Variants in UCP2 observed in about 807,000 individuals in gnomAD.
UCP2 encodes the protein dicarboxylate carrier SLC25A8.
Under a neutral mutation model 31.3 loss-of-function variants are expected in UCP2, and 27 were observed. The observed-to-expected ratio is 0.86, with a 90% confidence interval of 0.64 to 1.19. The LOEUF (loss-of-function observed/expected upper bound fraction) is 1.19, where lower values mean the gene tolerates loss of function less well. Ranked by LOEUF, UCP2 falls within the 50% of genes most tolerant of loss-of-function variation. The pLI, the probability that UCP2 is intolerant of heterozygous loss-of-function variation, is 0.00. For missense variants in UCP2, 377 were observed against 413.5 expected, an observed-to-expected ratio of 0.91 and a Z score of 0.76; for synonymous variants, 142 against 157.4, an observed-to-expected ratio of 0.90 and a Z score of 0.73.
chr11:73,975,612 C>T lies in UCP2; in HGVS notation c.694G>A (p.Ala232Thr), dbSNP rs200027152. 7.2e-5 allele frequency: 116 copies of T among 1,614,066 alleles called. No homozygotes were observed. In the East Asian group the frequency reaches 1.7e-3, roughly 24 times the overall value. Residue 232 changes from alanine (A) to threonine (T), a missense_variant, in exon 7 of 8, where the codon GCC becomes ACC. Transcript: ENST00000663595. ...FGAGFCTTVI[A>T]SPVDVVKTRY... ...GTCTTGACCACGTCTACAGGGGAGG[C>T]GATGACAGTGGTGCAGAAGCCTGCC... is the stretch of plus-strand genomic sequence containing the variant.
chr11:73,977,809 A>G lies in UCP2; in HGVS notation c.337+77T>C. On this transcript the variant is annotated intron_variant, in intron 4 of 7. Transcript: ENST00000663595. ...TAGGGATCGTGGGGCCTAAAAAACT[A>G]TATGGCTGAATGAACTAAGATCAAT... 1.9e-6 allele frequency: 3 copies of G among 1,594,988 alleles called. No homozygotes were observed. In the South Asian group the frequency reaches 3.3e-5, roughly 18 times the overall value.
chr11:73,978,229 G>T, intron 3 of UCP2, 24 bp downstream of exon 3: 1 of 1,614,128 alleles, frequency 6.2e-7, no homozygotes, highest in South Asian at 1.1e-5. Context: ...ACACCATCAA[G>T]ACTCCCAGGC....
intron 2 of UCP2, 198 bp from the exon 3 acceptor site, chr11:73,978,675 C>T (rs1591221190): frequency 2.4e-6 from 1 of 412,704 alleles, no homozygotes; most frequent in South Asian, 2.1e-5. Flanking sequence ...GCAGTCAATA[C>T]TTCATGAAGG....
At chr11:73,978,217 A>G in intron 3 of UCP2, 36 bp downstream of exon 3, 1 of 1,614,126 alleles carries the variant, frequency 6.2e-7, no homozygotes, top group Non-Finnish European at 8.5e-7. Flanking sequence ...GGAACAGAGT[A>G]GACACCATCA....
chr11:73,978,647 G>T, intron 2 of UCP2, 170 bp from the exon 3 acceptor site: 1 of 465,602 alleles, frequency 2.1e-6, no homozygotes, highest in South Asian at 2.0e-5. Context: ...AGGTGCTGGT[G>T]AAGCAATTCC....
chr11:73,975,150 GGC>G (rs1565182919), intron 7 of UCP2, 29 bp from the exon 8 acceptor site: 10 of 1,577,450 alleles, frequency 6.3e-6, no homozygotes, highest in Non-Finnish European at 8.6e-6. Context: ...AGGTCATGGG[GGC>G]ACCTCCACCT....
At chr11:73,982,679 G>C (rs940183706) in intron 1 of UCP2, 42 bp downstream of exon 1, 1 of 152,612 alleles carries the variant, frequency 6.6e-6, no homozygotes, top group African/African-American at 2.4e-5. Flanking sequence ...CGCAGAACAA[G>C]CGTGGGGGGC....
rs565401362 is a variant in UCP2 at position 73,978,453 on chromosome 11, C to A, written c.-75G>T. 16 of 1,598,022 alleles carry A rather than the reference C, an allele frequency of 1.0e-5. No homozygotes were observed. The African/African-American group carries it at 1.5e-4, about 15-fold the overall frequency. ...GGGGCACCTTTAATCAGCAACAAGACGAGATAGAGGAACTCTGCCGGAATC... is the reference window on the plus strand; with the variant it reads ...GGGGCACCTTTAATCAGCAACAAGAAGAGATAGAGGAACTCTGCCGGAATC... On this transcript the variant is annotated 5_prime_UTR_variant, in exon 3 of 8. Coordinates refer to ENST00000663595, the MANE Select transcript of UCP2 (RefSeq NM_003355.3).
chr11:73,980,383 A>G (rs1183542122), intron 2 of UCP2, among the ~76,000 whole-genome samples: 5 of 152,076 alleles, frequency 3.3e-5, no homozygotes, highest in African/African-American at 1.2e-4. Context: ...GAAGATACTC[A>G]CCATAGCAAC....
In UCP2 at chr11:73,974,970, CAA is replaced by C; in HGVS notation, c.*35_*36del. Reference sequence around the variant, plus strand: ...AAGGAAAGCATGGCCCGGCTAGAGACAAAGCCAGAGGTGATCAGGTCAGCAGC... The same window carrying C: ...AAGGAAAGCATGGCCCGGCTAGAGACAGCCAGAGGTGATCAGGTCAGCAGC... On this transcript the variant is annotated 3_prime_UTR_variant, in exon 8 of 8. Transcript: ENST00000663595. 7.4e-7 allele frequency: 1 copy of C among 1,351,970 alleles called. No individual in the cohort carries two copies. The highest frequency in any genetic ancestry group is 1.3e-5 in the South Asian group (1 of 75,752). The allele number at this position is 1,351,970 out of a possible 1,614,324, so 83.7% of individuals were successfully genotyped here.
At chr11:73,977,741 G>C (rs1951377465) in intron 4 of UCP2, 145 bp downstream of exon 4, 1 of 1,101,546 alleles carries the variant, frequency 9.1e-7, no homozygotes, top group Non-Finnish European at 1.3e-6. Context: ...GAACTATGTG[G>C]AGGACCAGGG....
chr11:73,978,246 C>T lies in UCP2; in HGVS notation c.126+7G>A. The T allele has an allele frequency of 6.2e-7, 1 of 1,614,172 alleles. No homozygotes were observed. The highest frequency in any genetic ancestry group is 8.5e-7 in the Non-Finnish European group (1 of 1,180,032). ...ACCATCAAGACTCCCAGGCTTCATC[C>T]CCTCACCTGTAACCGGACTTTAGCA... On this transcript the variant is annotated splice_region_variant and intron_variant, in intron 3 of 7. Coordinates refer to ENST00000663595, the MANE Select transcript of UCP2 (RefSeq NM_003355.3).
chr11:73,980,423 C>G (rs959181161), intron 2 of UCP2, among the ~76,000 whole-genome samples: 1 of 152,198 alleles, frequency 6.6e-6, no homozygotes, highest in African/African-American at 2.4e-5. Context: ...CAGGGCCTGA[C>G]CTTATTCCTG....
chr11:73,978,745 A>G (rs901578991), intron 2 of UCP2: 1 of 349,456 alleles, frequency 2.9e-6, no homozygotes, highest in African/African-American at 2.1e-5. Flanking sequence ...GCTGCCTCAT[A>G]AACAGCCACT....
Position 73,978,488 on chromosome 11 carries a change from A to C in UCP2, c.-99-11T>G. 3.3e-6 allele frequency: 5 copies of C among 1,511,410 alleles called. No individual in the cohort carries two copies. In the South Asian group the frequency reaches 5.9e-5, roughly 18 times the overall value. 93.6% of individuals were successfully genotyped at this position (1,511,410 alleles called of 1,614,324 possible). On this transcript the variant is annotated splice_polypyrimidine_tract_variant and intron_variant, in intron 2 of 7. Transcript: ENST00000663595. ...GAACTCTGCCGGAATCTAAGCCAAG[A>C]GGAGAAAAGCCCCATTAGCCACAAT...
rs140974565 is a variant in UCP2, at chr11:73,977,953, C to T, written c.270G>A (p.Met90Ile). The T allele has an allele frequency of 3.7e-5, 59 of 1,614,228 alleles. No homozygotes were observed. The highest frequency in any genetic ancestry group is 1.5e-4 in the Admixed American group (9 of 60,032). ...NGLVAGLQRQ[M>I]SFASVRIGLY... Reference sequence around the variant, plus strand: ...GGCCGATGCGGACAGAGGCAAAGCTCATTTGGCGCTGCAGGCCGGCAACCA... The same window carrying T: ...GGCCGATGCGGACAGAGGCAAAGCTTATTTGGCGCTGCAGGCCGGCAACCA... The change falls in exon 4 of 8, where the codon ATG becomes ATA. Residue 90 changes from methionine to isoleucine, a missense_variant. Coordinates refer to ENST00000663595, the MANE Select transcript of UCP2 (RefSeq NM_003355.3).
Position 73,978,006 on chromosome 11 carries a change from C to T in UCP2, c.217G>A (p.Glu73Lys), listed in dbSNP as rs200489709. The T allele has an allele frequency of 7.4e-6, 12 of 1,614,110 alleles. No homozygotes were observed. The highest frequency in any genetic ancestry group is 6.7e-5 in the Admixed American group (4 of 60,008). Reference sequence around the variant, plus strand: ...CCATTGTAGAGGCTTCGGGGGCCCTCAGTACGCACCATGGTCAGAATGGTG... The same window carrying T: ...CCATTGTAGAGGCTTCGGGGGCCCTTAGTACGCACCATGGTCAGAATGGTG... The part of the protein sequence containing the change: ...MGTILTMVRT[E>K]GPRSLYNGLV... The change falls in exon 4 of 8, where the codon GAG becomes AAG. Residue 73 changes from glutamate to lysine, a missense_variant. By Grantham distance (56) the Glu-to-Lys change is moderately conservative (BLOSUM62 1). Coordinates refer to ENST00000663595, the MANE Select transcript of UCP2 (RefSeq NM_003355.3).
rs1375635668 is a variant in UCP2 at position 73,978,048 on chromosome 11, A to C, written c.175T>G (p.Tyr59Asp). ...AGAATGGTGCCCATCACACCGCGGT[A>C]CTGGGCGCTGGCTGTAGCGCGCACT... ...GPVRATASAQ[Y>D]RGVMGTILTM... Residue 59 changes from tyrosine (Y) to aspartate (D), a missense_variant, in exon 4 of 8, where the codon TAC becomes GAC. By Grantham distance (160) the Tyr-to-Asp change is radical (BLOSUM62 -3). Coordinates refer to ENST00000663595, the MANE Select transcript of UCP2 (RefSeq NM_003355.3). 1.9e-6 allele frequency: 3 copies of C among 1,614,200 alleles called. No homozygotes were observed. The Admixed American group carries it at 5.0e-5, about 27-fold the overall frequency.
chr11:73,975,763 T>C (rs1951333475), intron 6 of UCP2, 92 bp from the exon 7 acceptor site: 1 of 1,498,082 alleles, frequency 6.7e-7, no homozygotes, highest in Non-Finnish European at 9.2e-7. Flanking sequence ...GTTTTCATGA[T>C]TTTAAAGAGA....
Sources: gnomAD v4.1 joint callset for allele counts (sites outside exome capture counted in the v4.1 genomes callset) on GRCh38, gnomAD v4.1.1 for gene constraint, MANE v1.5 for transcripts, NCBI Gene and HGNC (gene_info 2026-07-23, HGNC 2026-07-21) for gene names.